RBFOX1: variants seen among roughly 807,000 people sequenced by gnomAD.
RBFOX1 encodes the protein RNA binding fox-1 homolog 1, also known as RNA binding protein fox-1 homolog 1.
In RBFOX1, 8 loss-of-function variants were observed where a neutral mutation model predicts 57.7. That is an observed-to-expected ratio of 0.14 (90% confidence interval 0.08 to 0.25). RBFOX1 has a LOEUF of 0.25. Ranked by LOEUF, RBFOX1 falls within the 10% of genes least tolerant of loss-of-function variation. The probability of loss-of-function intolerance (pLI) is 1.00; values close to 1 mark genes in which losing one functional copy is unlikely to be tolerated. For synonymous variants in RBFOX1, 326 were observed against 222.4 expected (o/e 1.47, Z -4.15); for missense variants, 611 against 548.5 (o/e 1.11, Z -1.14).
intron 3 of RBFOX1, among the ~76,000 whole-genome samples, chr16:6,819,705 CAAAAAA>C (rs1181614275): frequency 1.1e-3 from 23 of 20,632 alleles, no homozygotes; most frequent in African/African-American, 4.7e-3. Flanking sequence ...AACTCTGACT[CAAAAAA>C]AAAAAAAAAA....
intron 4 of RBFOX1, among the ~76,000 whole-genome samples, chr16:7,062,335 A>T (rs1161708610): frequency 7.2e-6 from 1 of 139,408 alleles, no homozygotes; most frequent in Non-Finnish European, 1.5e-5. Flanking sequence ...AAAAAAAAAA[A>T]AAAGAAAAGA....
Position 7,579,931 on chromosome 16 carries a change from C to T in RBFOX1, c.414+11C>T. ...AGACAAATGTTTGGTGTAAGTATCA[C>T]CTTTCTTCCCAGCAGTGCCCGCTCT... On this transcript the variant is annotated intron_variant, in intron 6 of 15. Transcript: ENST00000550418. The T allele has an allele frequency of 6.2e-7, 1 of 1,613,806 alleles. No individual in the cohort carries two copies. The highest frequency in any genetic ancestry group is 8.5e-7 in the Non-Finnish European group (1 of 1,179,748).
At chr16:6,062,836 G>A (rs1035058194) in intron 1 of RBFOX1, among the ~76,000 whole-genome samples, 2 of 152,072 alleles carry the variant, frequency 1.3e-5, no homozygotes, top group African/African-American at 4.8e-5. Context: ...GGGCAGATTA[G>A]CAGGCTGGAA....
intron 4 of RBFOX1, among the ~76,000 whole-genome samples, chr16:7,172,161 A>C (rs545490605): frequency 6.6e-5 from 10 of 152,334 alleles, no homozygotes; most frequent in Non-Finnish European, 4.4e-5. Flanking sequence ...AGAATTCTGC[A>C]TCCTGGAATT....
chr16:6,131,105 T>A (rs2096626647), intron 1 of RBFOX1, among the ~76,000 whole-genome samples: 1 of 152,106 alleles, frequency 6.6e-6, no homozygotes, highest in African/African-American at 2.4e-5. Flanking sequence ...AAAAAACAAA[T>A]TTATGGTGAG....
chr16:7,691,646 A>AAGTT (rs1206383318), intron 14 of RBFOX1, among the ~76,000 whole-genome samples: 2 of 152,146 alleles, frequency 1.3e-5, no homozygotes, highest in African/African-American at 4.8e-5. Flanking sequence ...TGCATTTTAA[A>AAGTT]AGTTACCTAT....
At chr16:6,844,112 C>A (rs933440244) in intron 3 of RBFOX1, among the ~76,000 whole-genome samples, 1 of 128,970 alleles carries the variant, frequency 7.8e-6, no homozygotes, top group African/African-American at 3.2e-5. Flanking sequence ...ACCATCACAT[C>A]TTCCCTGCAT....
At chr16:5,326,613 C>T (rs1191284619) in intron 1 of RBFOX1, among the ~76,000 whole-genome samples, 1 of 152,174 alleles carries the variant, frequency 6.6e-6, no homozygotes, top group African/African-American at 2.4e-5. Flanking sequence ...TTTTTCCTAG[C>T]TAGATTTCAG....
chr16:6,578,864 C>G (rs539330631), intron 2 of RBFOX1, among the ~76,000 whole-genome samples: 1 of 151,742 alleles, frequency 6.6e-6, no homozygotes, highest in East Asian at 1.9e-4. Flanking sequence ...AAGAATGATA[C>G]AATGGACTTT....
At chr16:5,798,296 A>G (rs896380198) in intron 3 of RBFOX1, among the ~76,000 whole-genome samples, 2 of 152,346 alleles carry the variant, frequency 1.3e-5, no homozygotes, top group Non-Finnish European at 1.5e-5. Flanking sequence ...AATTCAAACA[A>G]CACATTACGA....
intron 3 of RBFOX1, among the ~76,000 whole-genome samples, chr16:5,831,705 G>T (rs111566082): frequency 3.3e-5 from 5 of 151,864 alleles, no homozygotes; most frequent in Admixed American, 2.0e-4. Flanking sequence ...GAGAGGCTGG[G>T]ATTACAGGTG....
intron 4 of RBFOX1, among the ~76,000 whole-genome samples, chr16:7,377,529 A>C (rs914873874): frequency 2.6e-5 from 4 of 152,254 alleles, no homozygotes; most frequent in Non-Finnish European, 5.9e-5. Context: ...AGGAGAATTT[A>C]AACCCTTGTG....
chr16:6,164,687 G>A (rs147940451), intron 1 of RBFOX1, among the ~76,000 whole-genome samples: 32 of 151,770 alleles, frequency 2.1e-4, no homozygotes, highest in African/African-American at 5.1e-4. Context: ...CTATTTGGCC[G>A]GGCTGGTCTC....
intron 1 of RBFOX1, among the ~76,000 whole-genome samples, chr16:5,375,744 C>T (rs1293747583): frequency 6.6e-6 from 1 of 152,164 alleles, no homozygotes; most frequent in Admixed American, 6.5e-5. Flanking sequence ...GGTGGTGGGC[C>T]GGATTTGGCC....
chr16:6,743,815 GT>G (rs2072906240), intron 3 of RBFOX1, among the ~76,000 whole-genome samples: 1 of 114,926 alleles, frequency 8.7e-6, no homozygotes, highest in African/African-American at 3.5e-5. Context: ...TTTTTCTCAT[GT>G]GTTTTGACTA....
At chr16:7,030,893 C>A (rs1292810066) in intron 3 of RBFOX1, among the ~76,000 whole-genome samples, 1 of 152,134 alleles carries the variant, frequency 6.6e-6, no homozygotes, top group Non-Finnish European at 1.5e-5. Context: ...GGAAATGAAT[C>A]CAATCCTTGT....
chr16:5,955,351 TAAATAAAAATA>T (rs1198829527), intron 4 of RBFOX1, among the ~76,000 whole-genome samples: 4 of 78,962 alleles, frequency 5.1e-5, no homozygotes, highest in African/African-American at 2.4e-4. Flanking sequence ...TAAAATAAAA[TAAATAAAAATA>T]AAATAAAATA....
chr16:7,581,947 C>T (rs1006272869), intron 6 of RBFOX1, among the ~76,000 whole-genome samples: 3 of 151,932 alleles, frequency 2.0e-5, no homozygotes, highest in South Asian at 2.1e-4. Context: ...AAATTCCTGG[C>T]CTCAAGCAAC....
At chr16:6,057,669 G>C (rs2095631049) in intron 1 of RBFOX1, among the ~76,000 whole-genome samples, 2 of 152,042 alleles carry the variant, frequency 1.3e-5, no homozygotes, top group Middle Eastern at 3.2e-3. Flanking sequence ...CGAGATTTTT[G>C]GGAGAGATGA....
Sources: allele counts gnomAD v4.1 joint callset (sites outside exome capture counted in the v4.1 genomes callset), GRCh38; gene constraint gnomAD v4.1.1; transcripts MANE v1.5; gene names NCBI Gene and HGNC (gene_info 2026-07-23, HGNC 2026-07-21).